The following COBL variants were observed in gnomAD, a reference collection of about 807,000 sequenced individuals.
COBL encodes the protein cordon-bleu WH2 repeat protein, also known as protein cordon-bleu.
Under a neutral mutation model 98.8 loss-of-function variants are expected in COBL, and 51 were observed. The ratio of observed to expected loss-of-function variants is 0.52; its 90% confidence interval spans 0.41 to 0.65. COBL has a LOEUF of 0.65. COBL is among the 30% of genes least tolerant of loss of function. The probability of loss-of-function intolerance (pLI) is 0.00; values close to 1 mark genes in which losing one functional copy is unlikely to be tolerated. For missense variants in COBL, 1,617 were observed against 1,617.5 expected (o/e 1.00, Z 0.01); for synonymous variants, 634 against 651.7 (o/e 0.97, Z 0.41).
chr7:51,122,310 C>A (rs1455074479), intron 6 of COBL, among the ~76,000 whole-genome samples: 1 of 152,192 alleles, frequency 6.6e-6, no homozygotes, highest in Non-Finnish European at 1.5e-5. Context: ...ATCCTTGCAG[C>A]CTGGCTGTTT....
At chr7:51,185,361 G>A (rs565362612) in intron 4 of COBL, among the ~76,000 whole-genome samples, 2 of 152,216 alleles carry the variant, frequency 1.3e-5, no homozygotes, top group Non-Finnish European at 2.9e-5. Flanking sequence ...TGGAGAACAC[G>A]CTTGGGAGTG....
At chr7:51,076,356 C>T (rs937515116) in intron 7 of COBL, among the ~76,000 whole-genome samples, 1 of 152,236 alleles carries the variant, frequency 6.6e-6, no homozygotes, top group Non-Finnish European at 1.5e-5. Context: ...TTCTCCAGTT[C>T]CACGCCCTCT....
intron 1 of COBL, among the ~76,000 whole-genome samples, chr7:51,296,428 AT>A (rs935106658): frequency 5.3e-5 from 8 of 151,388 alleles, no homozygotes; most frequent in African/African-American, 1.7e-4. Flanking sequence ...GGCGTGCAAT[AT>A]TTTTTTTTAA....
chr7:51,311,899 T>G (rs992518893), intron 1 of COBL, among the ~76,000 whole-genome samples: 5 of 152,068 alleles, frequency 3.3e-5, no homozygotes, highest in Admixed American at 3.3e-4. Flanking sequence ...AATACCAACT[T>G]TTTTTCAGCT....
chr7:51,068,048 C>A (rs759044824), intron 7 of COBL, among the ~76,000 whole-genome samples: 2 of 152,210 alleles, frequency 1.3e-5, no homozygotes, highest in African/African-American at 2.4e-5. Context: ...GGCAGCTGGG[C>A]TCCTGACTAG....
At chr7:51,036,414 G>A (rs1290304713) in intron 8 of COBL, among the ~76,000 whole-genome samples, 1 of 148,820 alleles carries the variant, frequency 6.7e-6, no homozygotes, top group Admixed American at 6.8e-5. Context: ...GTCATGAGCT[G>A]CATACTCATC....
intron 6 of COBL, among the ~76,000 whole-genome samples, chr7:51,099,951 A>T (rs1482448212): frequency 6.6e-6 from 1 of 152,158 alleles, no homozygotes; most frequent in Non-Finnish European, 1.5e-5. Context: ...GTGGTGTTCT[A>T]GTCTTTTAGA....
chr7:51,187,927 G>A, intron 4 of COBL: 4 of 1,232,438 alleles, frequency 3.2e-6, no homozygotes, highest in Non-Finnish European at 4.0e-6. Flanking sequence ...GACAGCTCAG[G>A]GAAGGCTCGG....
chr7:51,190,796 C>T (rs896253749), intron 4 of COBL, 54 bp downstream of exon 4: 15 of 1,437,690 alleles, frequency 1.0e-5, no homozygotes, highest in South Asian at 4.8e-5. Flanking sequence ...GACATGTACA[C>T]GCCGCGCATC....
intron 6 of COBL, among the ~76,000 whole-genome samples, chr7:51,099,095 A>C (rs1355959024): frequency 2.0e-5 from 3 of 151,794 alleles, no homozygotes; most frequent in African/African-American, 7.2e-5. Context: ...CACTATCAAA[A>C]AAAAAAAAAA....
At chr7:51,078,622 A>G (rs1793317018) in intron 7 of COBL, among the ~76,000 whole-genome samples, 1 of 152,230 alleles carries the variant, frequency 6.6e-6, no homozygotes, top group Admixed American at 6.5e-5. Context: ...TTAAAACAGT[A>G]AGCATTGACT....
chr7:51,028,323 A>C lies in COBL; in HGVS notation c.2773T>G (p.Trp925Gly), dbSNP rs1787787283. The change falls in exon 10 of 13, where the codon TGG becomes GGG. Residue 925 changes from tryptophan to glycine, a missense_variant. Trp to Gly is a radical substitution (Grantham distance 184). Around this residue, in one of 3 missense-constraint regions of COBL, gnomAD observed 1,304 missense variants for 1,282.0 expected, o/e 1.02. Coordinates refer to ENST00000265136, the MANE Select transcript of COBL (RefSeq NM_015198.5). ...CAGGGCCACTGGGCACCATCCTTCC[A>C]TCCTTGTGTCTCTGAGTGTGGGCTG... is the stretch of plus-strand genomic sequence containing the variant. ...TSSPHSETQG[W>G]KDGAQWPCVT... 6.2e-7 allele frequency: 1 copy of C among 1,614,204 alleles called. No individual in the cohort carries two copies. Among genetic ancestry groups the C allele is most frequent in the East Asian group, 2.2e-5 (1 of 44,866 alleles).
chr7:51,096,727 C>T (rs754712390), intron 6 of COBL, among the ~76,000 whole-genome samples: 6 of 151,974 alleles, frequency 3.9e-5, no homozygotes, highest in South Asian at 2.1e-4. Context: ...TACACACCAA[C>T]CAATTGGATA....
intron 7 of COBL, among the ~76,000 whole-genome samples, chr7:51,079,154 C>T (rs980933761): frequency 2.6e-5 from 4 of 152,200 alleles, no homozygotes; most frequent in African/African-American, 9.6e-5. Context: ...CAACACACAA[C>T]TGAAGGCATC....
At chr7:51,282,516 A>C (rs1334805810) in intron 1 of COBL, among the ~76,000 whole-genome samples, 2 of 152,148 alleles carry the variant, frequency 1.3e-5, no homozygotes, top group Non-Finnish European at 2.9e-5. Context: ...CAACAAGAAG[A>C]TATAACAATC....
chr7:51,243,308 C>T (rs185727071), intron 1 of COBL, among the ~76,000 whole-genome samples: 165 of 152,280 alleles, frequency 1.1e-3, no homozygotes, highest in African/African-American at 3.8e-3. Flanking sequence ...CTTCCTGTCC[C>T]CCTTATGTGC....
At chr7:51,239,713 C>T (rs1414954710) in intron 1 of COBL, among the ~76,000 whole-genome samples, 1 of 152,170 alleles carries the variant, frequency 6.6e-6, no homozygotes, top group Admixed American at 6.5e-5. Flanking sequence ...GAATACTACT[C>T]GATGGGAGTT....
rs182955832 is a variant in COBL, at chr7:51,234,229, T to C, written c.42-14285A>G. Among the ~76,000 whole-genome samples the C allele has an allele frequency of 1.4e-3, 207 of 152,314 alleles. 1 individual carries two copies. The highest frequency in any genetic ancestry group is 4.8e-3 in the African/African-American group (199 of 41,580). ...GAGACTGGGCCTCCCAGAGGATCCC[T>C]GGGCTGGCGAAACCTGAGCTGAGTG... On this transcript the variant is annotated intron_variant, in intron 1 of 12. Coordinates refer to ENST00000265136, the MANE Select transcript of COBL (RefSeq NM_015198.5).
chr7:51,030,848 G>A lies in COBL; in HGVS notation c.1468C>T (p.Arg490Cys), dbSNP rs267601540. The A allele has an allele frequency of 6.5e-5, 104 of 1,609,428 alleles. No homozygotes were observed. Among genetic ancestry groups the A allele is most frequent in the Middle Eastern group, 1.6e-4 (1 of 6,080 alleles). ...EEDLLIAGEFRKTLAELDEDL... is the reference protein window; with the variant it reads ...EEDLLIAGEFCKTLAELDEDL... ...TCATCAAGTTCTGCAAGGGTTTTACGGAACTCTCCAGCAATTAATAGGTCT... is the reference window on the plus strand; with the variant it reads ...TCATCAAGTTCTGCAAGGGTTTTACAGAACTCTCCAGCAATTAATAGGTCT... Residue 490 changes from arginine to cysteine, a missense_variant, in exon 9 of 13, where the codon CGT becomes TGT. Transcript: ENST00000265136.
Sources: allele counts gnomAD v4.1 joint callset (sites outside exome capture counted in the v4.1 genomes callset), GRCh38; gene constraint gnomAD v4.1.1; regional missense constraint gnomAD v4.1.1; transcripts MANE v1.5; gene names NCBI Gene and HGNC (gene_info 2026-07-23, HGNC 2026-07-21).